LAMA2: variants seen among roughly 807,000 people sequenced by gnomAD.
LAMA2 encodes the protein laminin subunit alpha-2.
A neutral mutation model predicts 364.8 loss-of-function variants in LAMA2; 269 were observed. The ratio of observed to expected loss-of-function variants is 0.74; its 90% CI spans 0.67 to 0.82. The LOEUF (loss-of-function observed/expected upper bound fraction) is 0.82, where lower values mean the gene tolerates loss of function less well. Among genes scored for constraint, LAMA2 ranks in the 40% least tolerant of loss-of-function variants. The probability of loss-of-function intolerance (pLI) is 0.00; values close to 1 mark genes in which losing one functional copy is unlikely to be tolerated. For synonymous variants in LAMA2, 1,379 were observed against 1,370.6 expected, an observed-to-expected ratio of 1.01 and a Z score of -0.14; for missense variants, 3,807 against 3,873.2, an observed-to-expected ratio of 0.98 and a Z score of 0.45.
At chr6:129,106,102 G>A (rs1010910148) in intron 4 of LAMA2, among the ~76,000 whole-genome samples, 2 of 151,378 alleles carry the variant, frequency 1.3e-5, no homozygotes, top group African/African-American at 4.9e-5. Context: ...TTGAAACATG[G>A]CAGGCTTGTA....
intron 1 of LAMA2, among the ~76,000 whole-genome samples, chr6:128,984,540 A>G (rs1783095519): frequency 6.6e-6 from 1 of 152,164 alleles, no homozygotes; most frequent in Non-Finnish European, 1.5e-5. Context: ...ACACTTCTGG[A>G]AAAAAAGAAA....
intron 4 of LAMA2, among the ~76,000 whole-genome samples, chr6:129,099,724 C>CTAT (rs1775408908): frequency 6.6e-6 from 1 of 152,284 alleles, no homozygotes; most frequent in Admixed American, 6.5e-5. Context: ...TCATTAGGCA[C>CTAT]TATTTTTATA....
intron 12 of LAMA2, among the ~76,000 whole-genome samples, chr6:129,244,356 C>T (rs1024140791): frequency 3.9e-5 from 6 of 152,028 alleles, no homozygotes; most frequent in Non-Finnish European, 7.4e-5. Flanking sequence ...TGAATAAACA[C>T]TTCTATGGGA....
At chr6:129,298,753 C>G (rs1773362376) in intron 21 of LAMA2, among the ~76,000 whole-genome samples, 1 of 152,146 alleles carries the variant, frequency 6.6e-6, no homozygotes, top group Admixed American at 6.5e-5. Flanking sequence ...GAACCAATAT[C>G]TTTCAGACAT....
At chr6:128,911,738 T>C (rs1173602888) in intron 1 of LAMA2, among the ~76,000 whole-genome samples, 3 of 152,150 alleles carry the variant, frequency 2.0e-5, no homozygotes, top group Non-Finnish European at 4.4e-5. Context: ...AATATATATA[T>C]ACCCATATAA....
chr6:129,297,847 C>T lies in LAMA2; in HGVS notation c.3019C>T (p.Gln1007Ter), dbSNP rs752094219. 2 of 1,613,652 alleles carry T rather than the reference C, an allele frequency of 1.2e-6. No individual in the cohort carries two copies. The highest frequency in any genetic ancestry group is 1.7e-6 in the Non-Finnish European group (2 of 1,179,854). The change falls in exon 21 of 65, where the codon CAA becomes TAA. Residue 1007 changes from glutamine (Q) to a stop codon, truncating the protein, a stop_gained. Coordinates refer to ENST00000421865, the MANE Select transcript of LAMA2 (RefSeq NM_000426.4). LOFTEE classifies it high-confidence loss of function. The stretch of plus-strand genomic sequence containing the variant: ...CTGTGCCCACGGCTATTTCAACTTC[C>T]AAGAAGGAGGCTGCACAGGTCTGTA... ...DRCAHGYFNF[Q>*]EGGCTACECS... is the part of the protein sequence containing the mutation.
intron 35 of LAMA2, among the ~76,000 whole-genome samples, chr6:129,384,375 A>G (rs954593332): frequency 6.6e-6 from 1 of 152,200 alleles, no homozygotes; most frequent in Non-Finnish European, 1.5e-5. Context: ...GCCCTAGTCA[A>G]TGCTCCAGGA....
intron 3 of LAMA2, among the ~76,000 whole-genome samples, chr6:129,088,603 GC>G (rs1210059070): frequency 6.6e-6 from 1 of 151,886 alleles, no homozygotes; most frequent in Non-Finnish European, 1.5e-5. Context: ...CGGGGTGGCT[GC>G]CGGGCGGAGA....
chr6:129,104,210 C>G (rs1190923265), intron 4 of LAMA2, among the ~76,000 whole-genome samples: 2 of 152,060 alleles, frequency 1.3e-5, no homozygotes, highest in African/African-American at 4.8e-5. Flanking sequence ...GTTGCCCAGG[C>G]CGTTCTCAAA....
chr6:129,440,997 C>G lies in LAMA2; in HGVS notation c.6267C>G (p.Asn2089Lys). The change falls in exon 43 of 65, where the codon AAC (asparagine) becomes AAG (lysine). Residue 2089 changes from asparagine (N) to lysine (K), a missense_variant and splice_region_variant. By Grantham distance (94) the Asn-to-Lys change is moderately conservative. This residue lies in a region of LAMA2 where 3,333 missense variants were observed against 3,345.7 expected (regional missense o/e 1.00). Coordinates refer to ENST00000421865, the MANE Select transcript of LAMA2 (RefSeq NM_000426.4). Reference protein sequence around the residue: ...TNAVVKDPSKNKIIADADATV... With the variant: ...TNAVVKDPSKKKIIADADATV... ...CTGTGGTTAAAGATCCTTCCAAGAACAGTAAGATCTCCTTTTTCATTGTGA... is the reference window on the plus strand; with the variant it reads ...CTGTGGTTAAAGATCCTTCCAAGAAGAGTAAGATCTCCTTTTTCATTGTGA... The G allele has an allele frequency of 2.5e-6, 4 of 1,611,070 alleles. No individual in the cohort carries two copies. The highest frequency in any genetic ancestry group is 3.4e-6 in the Non-Finnish European group (4 of 1,177,320).
At chr6:128,965,428 A>G (rs1305405554) in intron 1 of LAMA2, among the ~76,000 whole-genome samples, 1 of 152,084 alleles carries the variant, frequency 6.6e-6, no homozygotes, top group East Asian at 1.9e-4. Context: ...AGGAGGAAGG[A>G]AATTGCCTTA....
chr6:129,331,748 G>T (rs915934812), intron 29 of LAMA2, among the ~76,000 whole-genome samples: 4 of 151,990 alleles, frequency 2.6e-5, no homozygotes, highest in Non-Finnish European at 1.5e-5. Flanking sequence ...ACAATGGAGA[G>T]CTGTCTATCC....
chr6:129,477,270 CAT>C (rs1194107027), intron 53 of LAMA2, among the ~76,000 whole-genome samples: 1 of 151,620 alleles, frequency 6.6e-6, no homozygotes, highest in Non-Finnish European at 1.5e-5. Flanking sequence ...CTAATAGCCA[CAT>C]GTGGCTAGTA....
At chr6:129,009,736 A>G (rs1640342670) in intron 1 of LAMA2, among the ~76,000 whole-genome samples, 1 of 152,172 alleles carries the variant, frequency 6.6e-6, no homozygotes, top group Admixed American at 6.5e-5. Flanking sequence ...AGTTCTTTAT[A>G]TATACAAAAT....
intron 1 of LAMA2, among the ~76,000 whole-genome samples, chr6:128,909,924 G>C (rs2114450147): frequency 6.6e-6 from 1 of 151,596 alleles, no homozygotes; most frequent in Non-Finnish European, 1.5e-5. Flanking sequence ...ATGAAATTCT[G>C]GGTTGAAAAT....
intron 1 of LAMA2, among the ~76,000 whole-genome samples, chr6:129,048,551 T>TTCTTTCTC (rs1490796772): frequency 3.0e-5 from 3 of 99,024 alleles, no homozygotes; most frequent in African/African-American, 1.5e-4. Flanking sequence ...CTTTCTTTCT[T>TTCTTTCTC]TCTCTCTCTC....
At chr6:129,269,385 A>G (rs1481082896) in intron 16 of LAMA2, among the ~76,000 whole-genome samples, 1 of 144,878 alleles carries the variant, frequency 6.9e-6, no homozygotes, top group Non-Finnish European at 1.5e-5. Context: ...TTTTATTTCC[A>G]TTATATAGGT....
At chr6:129,222,772 T>C (rs1326311611) in intron 12 of LAMA2, among the ~76,000 whole-genome samples, 1 of 152,132 alleles carries the variant, frequency 6.6e-6, no homozygotes, top group Non-Finnish European at 1.5e-5. Context: ...TTCCAAGTCT[T>C]TGCTATTATG....
chr6:129,305,613 A>ATG (rs1025244814), intron 22 of LAMA2, among the ~76,000 whole-genome samples: 8 of 151,776 alleles, frequency 5.3e-5, no homozygotes, highest in South Asian at 2.1e-4. Context: ...GCCTAGCTTA[A>ATG]TGTGTGTGTG....
Sources: gnomAD v4.1 joint callset for allele counts (sites outside exome capture counted in the v4.1 genomes callset) on GRCh38, gnomAD v4.1.1 for gene constraint, gnomAD v4.1.1 regional missense constraint, MANE v1.5 for transcripts, NCBI Gene and HGNC (gene_info 2026-07-23, HGNC 2026-07-21) for gene names.